Variants in NCALD observed in about 807,000 individuals in gnomAD.
NCALD encodes the protein neurocalcin delta.
In NCALD, 10 loss-of-function variants were observed where a neutral mutation model predicts 18.6. The observed-to-expected ratio is 0.54, with a 90% CI of 0.33 to 0.91. The LOEUF (loss-of-function observed/expected upper bound fraction) is 0.91. NCALD is among the 40% of genes least tolerant of loss of function. The pLI is 0.03. For synonymous variants in NCALD, 88 were observed against 87.4 expected, an observed-to-expected ratio of 1.01 and a Z score of -0.04; for missense variants, 184 against 247.6, an observed-to-expected ratio of 0.74 and a Z score of 1.72.
chr8:102,104,024 C>T (rs1825369965), intron 1 of NCALD, among the ~76,000 whole-genome samples: 1 of 152,190 alleles, frequency 6.6e-6, no homozygotes, highest in Admixed American at 6.5e-5. Flanking sequence ...TACACACACG[C>T]ATACGCATAC....
chr8:101,703,689 T>G (rs752939758), intron 2 of NCALD, among the ~76,000 whole-genome samples: 1 of 152,208 alleles, frequency 6.6e-6, no homozygotes, highest in Non-Finnish European at 1.5e-5. Context: ...CAGGGACCTA[T>G]GTGATACCTG....
intron 2 of NCALD, among the ~76,000 whole-genome samples, chr8:102,009,841 G>C (rs1022755010): frequency 1.3e-5 from 2 of 152,184 alleles, no homozygotes; most frequent in African/African-American, 4.8e-5. Context: ...ACAGCTTAAG[G>C]AATTTTAAAA....
At chr8:101,943,632 G>T (rs925489990) in intron 2 of NCALD, among the ~76,000 whole-genome samples, 5 of 152,176 alleles carry the variant, frequency 3.3e-5, no homozygotes, top group African/African-American at 1.2e-4. Context: ...CACATTTGGT[G>T]AATCTAATTA....
intron 2 of NCALD, among the ~76,000 whole-genome samples, chr8:101,920,861 A>G (rs959370062): frequency 6.6e-6 from 1 of 152,212 alleles, no homozygotes; most frequent in Non-Finnish European, 1.5e-5. Flanking sequence ...CTGCACATAT[A>G]CCCACTGAAT....
intron 3 of NCALD, among the ~76,000 whole-genome samples, chr8:101,901,276 G>T (rs570900539): frequency 1.3e-5 from 2 of 150,840 alleles, no homozygotes; most frequent in South Asian, 2.1e-4. Flanking sequence ...TATAGTTGGG[G>T]TTTTTTAAAA....
chr8:101,732,864 A>T (rs1816904469), intron 1 of NCALD, among the ~76,000 whole-genome samples: 1 of 152,086 alleles, frequency 6.6e-6, no homozygotes, highest in South Asian at 2.1e-4. Context: ...CCAGCCTCTC[A>T]AAGTGCTGGG....
intron 4 of NCALD, among the ~76,000 whole-genome samples, chr8:101,853,037 G>A (rs1209421804): frequency 1.3e-5 from 2 of 152,098 alleles, no homozygotes; most frequent in Non-Finnish European, 2.9e-5. Context: ...ACATTTTAGA[G>A]CCAGACTGCC....
At chr8:102,000,170 C>A (rs1821397420) in intron 2 of NCALD, among the ~76,000 whole-genome samples, 1 of 152,202 alleles carries the variant, frequency 6.6e-6, no homozygotes, top group Admixed American at 6.5e-5. Context: ...CGGGTCACTC[C>A]CACCCTAATA....
intron 2 of NCALD, among the ~76,000 whole-genome samples, chr8:102,004,558 G>T (rs915311498): frequency 2.0e-5 from 3 of 152,146 alleles, no homozygotes; most frequent in Non-Finnish European, 2.9e-5. Context: ...CCAAAAAAGA[G>T]CCCGCATCGC....
rs368650510 is a variant in NCALD at position 102,033,460 on chromosome 8, C to T, written c.-209-13171G>A. On this transcript the variant is annotated intron_variant, in intron 1 of 6. Coordinates refer to the NCALD transcript ENST00000311028. ...GGATAGTCTATTCTAACTATTATGC[C>T]TAATAAGCTAGTCACAAAATTTTGC... is the stretch of plus-strand genomic sequence containing the variant. 7.9e-5 allele frequency among the ~76,000 whole-genome samples: 12 copies of T among 152,224 alleles called. No individual in the cohort carries two copies. The East Asian group carries it at 9.6e-4, about 12-fold the overall frequency.
rs764979140 is a variant in NCALD at position 102,032,169 on chromosome 8, G to A, written c.-209-11880C>T. On this transcript the variant is annotated intron_variant, in intron 1 of 6. Transcript: ENST00000311028. ...AATCAGCTAAGTGAAGTCACACTCC[G>A]TCACCAAGTGGAAGTGGTGTATAAG... is the stretch of plus-strand genomic sequence containing the variant. Among the ~76,000 whole-genome samples the A allele has an allele frequency of 2.9e-4, 44 of 152,050 alleles. 1 individual carries two copies. The highest frequency in any genetic ancestry group is 6.6e-4 in the Admixed American group (10 of 15,248).
At chr8:101,968,619 G>A (rs1820122608) in intron 2 of NCALD, among the ~76,000 whole-genome samples, 1 of 152,040 alleles carries the variant, frequency 6.6e-6, no homozygotes, top group African/African-American at 2.4e-5. Flanking sequence ...TGTAATGCCT[G>A]CACTGTTATG....
At chr8:101,873,474 T>C (rs1214568407) in intron 4 of NCALD, among the ~76,000 whole-genome samples, 1 of 152,180 alleles carries the variant, frequency 6.6e-6, no homozygotes, top group Non-Finnish European at 1.5e-5. Context: ...TCATGTGCTT[T>C]AGAAAAAAAT....
chr8:101,893,085 A>T (rs946773161), intron 3 of NCALD, among the ~76,000 whole-genome samples: 5 of 151,294 alleles, frequency 3.3e-5, no homozygotes, highest in East Asian at 1.9e-4. Context: ...GTTGAAATGA[A>T]GGAAAAAATG....
chr8:101,873,117 CTTCTGT>C (rs1302810112), intron 4 of NCALD, among the ~76,000 whole-genome samples: 1 of 152,212 alleles, frequency 6.6e-6, no homozygotes, highest in Non-Finnish European at 1.5e-5. Context: ...TTGCCATTGA[CTTCTGT>C]TTTTTAAGCC....
chr8:101,940,580 G>A (rs369615337), intron 2 of NCALD, among the ~76,000 whole-genome samples: 2 of 152,106 alleles, frequency 1.3e-5, no homozygotes, highest in Non-Finnish European at 2.9e-5. Flanking sequence ...CTCCCACTGA[G>A]CCTATACAAA....
chr8:101,827,925 CA>C (rs1222078245), intron 4 of NCALD, among the ~76,000 whole-genome samples: 2 of 152,068 alleles, frequency 1.3e-5, no homozygotes, highest in African/African-American at 4.8e-5. Flanking sequence ...GGTTCATTTC[CA>C]AAAAGGAGAT....
chr8:101,939,088 G>T (rs973632172), intron 2 of NCALD, among the ~76,000 whole-genome samples: 2 of 152,144 alleles, frequency 1.3e-5, no homozygotes, highest in Non-Finnish European at 2.9e-5. Flanking sequence ...GAGGCCAAAA[G>T]AAAAAGTCTT....
At chr8:101,730,998 A>C (rs1816805197) in intron 1 of NCALD, among the ~76,000 whole-genome samples, 1 of 152,226 alleles carries the variant, frequency 6.6e-6, no homozygotes, top group Non-Finnish European at 1.5e-5. Context: ...GAATACCAGC[A>C]GTCAGTGAAC....
Sources: gnomAD v4.1 joint callset for allele counts (sites outside exome capture counted in the v4.1 genomes callset) on GRCh38, gnomAD v4.1.1 for gene constraint, MANE v1.5 for transcripts, NCBI Gene and HGNC (gene_info 2026-07-23, HGNC 2026-07-21) for gene names.